The following PSMB5 variants were observed in gnomAD, a reference collection of about 807,000 sequenced individuals.
The protein encoded by PSMB5 is proteasome subunit beta type-5.
PSMB5 carries 2 observed loss-of-function variants against 22.8 expected under a neutral mutation model. The ratio of observed to expected loss-of-function variants is 0.09; its 90% CI spans 0.04 to 0.28. The LOEUF is 0.28. PSMB5 is among the 10% of genes least tolerant of loss of function. The pLI is 1.00. For missense variants in PSMB5, 269 were observed against 343.8 expected (o/e 0.78, Z 1.72); for synonymous variants, 133 against 135.3 (o/e 0.98, Z 0.12).
intron 2 of PSMB5, among the ~76,000 whole-genome samples, chr14:23,027,247 T>G (rs1391289911): frequency 4.2e-5 from 6 of 141,380 alleles, no homozygotes; most frequent in Non-Finnish European, 6.2e-5. Flanking sequence ...CAGGTGTGGT[T>G]GCGGTCGCCT....
intron 1 of PSMB5, among the ~76,000 whole-genome samples, chr14:23,033,949 C>A (rs2046972223): frequency 6.6e-6 from 1 of 152,002 alleles, no homozygotes; most frequent in Non-Finnish European, 1.5e-5. Flanking sequence ...GGCGGGAGGA[C>A]CGCTTGAGGC....
At chr14:23,031,617 T>C (rs1400704359) in intron 2 of PSMB5, among the ~76,000 whole-genome samples, 1 of 152,190 alleles carries the variant, frequency 6.6e-6, no homozygotes, top group Non-Finnish European at 1.5e-5. Flanking sequence ...CCAACTTTAC[T>C]AAACGGGCAA....
At chr14:23,034,406 C>G (rs1343672935) in intron 1 of PSMB5, 1 of 402,856 alleles carries the variant, frequency 2.5e-6, no homozygotes, top group African/African-American at 2.0e-5. Context: ...GCTAGAAGAT[C>G]CTGAACAGCA....
At chr14:23,033,026 C>T (rs1301678185) in intron 2 of PSMB5, among the ~76,000 whole-genome samples, 1 of 151,618 alleles carries the variant, frequency 6.6e-6, no homozygotes, top group Non-Finnish European at 1.5e-5. Flanking sequence ...CATGCCTCAG[C>T]CTCCTGAGCA....
upstream of PSMB5, chr14:23,035,168 A>C (rs2046983096): frequency 2.0e-5 from 8 of 390,772 alleles, no homozygotes; most frequent in East Asian, 5.8e-5. Flanking sequence ...CCTCAAAATC[A>C]CAGGAAGTGA....
In PSMB5 at chr14:23,026,108, T is replaced by C. The variant is rs764603824; in HGVS notation, c.773A>G (p.Tyr258Cys). 3.1e-6 allele frequency: 5 copies of C among 1,614,080 alleles called. No homozygotes were observed. The highest frequency in any genetic ancestry group is 4.2e-6 in the Non-Finnish European group (5 of 1,180,046). Residue 258 changes from tyrosine to cysteine, a missense_variant, in exon 3 of 3, where the codon TAT becomes TGT. By Grantham distance (194) the Tyr-to-Cys change is radical (BLOSUM62 -2). Around this residue, in one of 3 missense-constraint regions of PSMB5, gnomAD observed 113 missense variants for 130.2 expected, o/e 0.87. Coordinates refer to ENST00000361611, the MANE Select transcript of PSMB5 (RefSeq NM_002797.5). ...SDNVADLHEK[Y>C]SGSTP is the part of the protein sequence containing the mutation. Reference sequence around the variant, plus strand: ...CCTCTTTCAGGGGGTAGAGCCACTATACTTCTCATGTAGATCAGCCACATT... The same window carrying C: ...CCTCTTTCAGGGGGTAGAGCCACTACACTTCTCATGTAGATCAGCCACATT...
intron 2 of PSMB5, among the ~76,000 whole-genome samples, chr14:23,029,547 T>C (rs2139916017): frequency 6.6e-6 from 1 of 152,340 alleles, no homozygotes; most frequent in African/African-American, 2.4e-5. Context: ...TATTTATTGA[T>C]TGACTGACTG....
intron 2 of PSMB5, among the ~76,000 whole-genome samples, chr14:23,032,640 C>G (rs2046961457): frequency 6.6e-6 from 1 of 151,744 alleles, no homozygotes; most frequent in Admixed American, 6.6e-5. Context: ...GCTCTGTTGC[C>G]CAGGCTGGAG....
At chr14:23,031,533 C>A (rs1158331437) in intron 2 of PSMB5, among the ~76,000 whole-genome samples, 2 of 152,082 alleles carry the variant, frequency 1.3e-5, no homozygotes, top group East Asian at 1.9e-4. Flanking sequence ...ATGAATGAAG[C>A]AAAATCAAAA....
At chr14:23,026,489 GC>G in intron 2 of PSMB5, 114 bp from the exon 3 acceptor site, 1 of 1,414,072 alleles carries the variant, frequency 7.1e-7, no homozygotes. Context: ...TGCTCTTGTT[GC>G]CCAAGCTAGA....
At chr14:23,029,583 G>A (rs1446113296) in intron 2 of PSMB5, among the ~76,000 whole-genome samples, 1 of 152,080 alleles carries the variant, frequency 6.6e-6, no homozygotes, top group Non-Finnish European at 1.5e-5. Flanking sequence ...TTTCTTTCTT[G>A]TTTCCCAAGC....
intron 2 of PSMB5, 134 bp downstream of exon 2, chr14:23,033,234 A>G (rs2046966698): frequency 1.0e-6 from 1 of 962,778 alleles, no homozygotes; most frequent in Non-Finnish European, 1.5e-6. Context: ...GAAAAAAAAA[A>G]AGAGAGAAGG....
Position 23,026,060 on chromosome 14 carries a change from G to A in PSMB5, c.*29C>T, listed in dbSNP as rs58302037. The A allele has an allele frequency of 1.5e-4, 238 of 1,609,326 alleles. 1 individual carries two copies. The African/African-American group carries it at 2.8e-3, about 19-fold the overall frequency. On this transcript the variant is annotated 3_prime_UTR_variant, in exon 3 of 3. Coordinates refer to ENST00000361611, the MANE Select transcript of PSMB5 (RefSeq NM_002797.5). The stretch of plus-strand genomic sequence containing the variant: ...GTATTACCAATGACAGTCACCCCAA[G>A]AAACACAAGCAGCTGCATCCACCCT...
Position 23,034,031 on chromosome 14 carries a change from C to A in PSMB5, c.199-357G>T, listed in dbSNP as rs148356451. On this transcript the variant is annotated intron_variant, in intron 1 of 2. Transcript: ENST00000361611. ...CAAAAAGTAAAAAAACTTAGCCTGTCGTGGTGGTGTGTGCCTATAGTGTCA... is the reference window on the plus strand; with the variant it reads ...CAAAAAGTAAAAAAACTTAGCCTGTAGTGGTGGTGTGTGCCTATAGTGTCA... 2.0e-3 allele frequency among the ~76,000 whole-genome samples: 294 copies of A among 150,510 alleles called. 1 individual carries two copies. The highest frequency in any genetic ancestry group is 0.016 in the Admixed American group (247 of 15,046).
At chr14:23,031,440 AT>A (rs981241572) in intron 2 of PSMB5, among the ~76,000 whole-genome samples, 3 of 152,174 alleles carry the variant, frequency 2.0e-5, no homozygotes, top group Non-Finnish European at 4.4e-5. Flanking sequence ...AGCCCTTTCT[AT>A]TCTCGTTTGA....
Position 23,026,294 on chromosome 14 carries a change from C to A in PSMB5, c.587G>T (p.Gly196Val). Reference sequence around the variant, plus strand: ...ATAGGAATAGCCCCGATCCATGACCCCATATGCATACACAGAGCCAGAACC... The same window carrying A: ...ATAGGAATAGCCCCGATCCATGACCACATATGCATACACAGAGCCAGAACC... ...SVGSGSVYAY[G>V]VMDRGYSYDL... The change falls in exon 3 of 3, where the codon GGG becomes GTG. Residue 196 changes from glycine to valine, a missense_variant. Physicochemically the swap from Gly to Val is moderately radical, Grantham distance 109. Around this residue, in one of 3 missense-constraint regions of PSMB5, gnomAD observed 113 missense variants for 130.2 expected, o/e 0.87. Coordinates refer to ENST00000361611, the MANE Select transcript of PSMB5 (RefSeq NM_002797.5). 6.2e-7 allele frequency: 1 copy of A among 1,614,106 alleles called. No individual in the cohort carries two copies. The highest frequency in any genetic ancestry group is 8.5e-7 in the Non-Finnish European group (1 of 1,180,012).
At chr14:23,035,219 A>C (rs1182483969), upstream of PSMB5, 2 of 285,762 alleles carry the variant, frequency 7.0e-6, no homozygotes, top group Non-Finnish European at 6.7e-6. Flanking sequence ...GAGGTCGGCC[A>C]TCTTTGAGAA....
chr14:23,026,619 T>G (rs1019411294), intron 2 of PSMB5, among the ~76,000 whole-genome samples: 3 of 151,348 alleles, frequency 2.0e-5, no homozygotes, highest in Admixed American at 1.3e-4. Context: ...CCAGCTAATT[T>G]TTGTATTTTT....
chr14:23,033,723 A>G (rs1162676171), intron 1 of PSMB5, 49 bp from the exon 2 acceptor site: 1 of 1,530,154 alleles, frequency 6.5e-7, no homozygotes, highest in African/African-American at 1.4e-5. Context: ...AGACCACAAA[A>G]ACACTCCTAC....
Sources: allele counts gnomAD v4.1 joint callset (sites outside exome capture counted in the v4.1 genomes callset), GRCh38; gene constraint gnomAD v4.1.1; regional missense constraint gnomAD v4.1.1; transcripts MANE v1.5; gene names NCBI Gene and HGNC (gene_info 2026-07-23, HGNC 2026-07-21).